The following CSMD1 variants were observed in gnomAD, a reference collection of about 807,000 sequenced individuals.
CSMD1 encodes CUB and sushi domain-containing protein 1.
Under a neutral mutation model 417.5 loss-of-function variants are expected in CSMD1, and 213 were observed. That is an observed-to-expected ratio of 0.51 (90% CI 0.46 to 0.57). CSMD1 has a LOEUF of 0.57. CSMD1 is among the 20% of genes least tolerant of loss of function. CSMD1 has a pLI of 0.00. For synonymous variants in CSMD1, 2,862 were observed against 1,736.8 expected, an observed-to-expected ratio of 1.65 and a Z score of -16.11; for missense variants, 6,923 against 4,529.7, an observed-to-expected ratio of 1.53 and a Z score of -15.17.
chr8:3,396,165 C>G (rs963697220), intron 17 of CSMD1, 29 bp downstream of exon 17: 3 of 1,541,666 alleles, frequency 1.9e-6, no homozygotes, highest in African/African-American at 2.7e-5. Context: ...TGCTGCCCTG[C>G]CGGGCTGTCA....
At chr8:4,569,964 C>T (rs993916131) in intron 2 of CSMD1, among the ~76,000 whole-genome samples, 2 of 152,160 alleles carry the variant, frequency 1.3e-5, no homozygotes, top group Non-Finnish European at 2.9e-5. Flanking sequence ...TATAGGAATG[C>T]TTGTGATTTT....
At chr8:4,045,730 C>G (rs540380237) in intron 3 of CSMD1, among the ~76,000 whole-genome samples, 1 of 152,152 alleles carries the variant, frequency 6.6e-6, no homozygotes, top group East Asian at 1.9e-4. Flanking sequence ...TAAAATAAAA[C>G]GTGTGAACAC....
chr8:3,229,823 C>T (rs1204904916), intron 27 of CSMD1, among the ~76,000 whole-genome samples: 1 of 152,136 alleles, frequency 6.6e-6, no homozygotes, highest in East Asian at 1.9e-4. Flanking sequence ...CGGTAAATGT[C>T]AATTACTGTA....
intron 1 of CSMD1, among the ~76,000 whole-genome samples, chr8:4,951,735 T>C (rs1039884641): frequency 2.0e-5 from 3 of 151,782 alleles, no homozygotes; most frequent in South Asian, 4.1e-4. Context: ...TTAATAATGT[T>C]ACTCACAATC....
chr8:3,083,634 ATATATATATATATATTTTTTTTTT>A (rs1814286031), intron 49 of CSMD1, among the ~76,000 whole-genome samples: 3 of 23,360 alleles, frequency 1.3e-4, no homozygotes, highest in South Asian at 2.9e-3. Context: ...ATATATATAT[ATATATATATATATATTTTTTTTTT>A]TTTTTTTTTT....
intron 46 of CSMD1, among the ~76,000 whole-genome samples, chr8:3,101,067 T>C (rs1815700538): frequency 2.0e-5 from 3 of 151,876 alleles, no homozygotes; most frequent in Admixed American, 2.0e-4. Context: ...TTTTTTTTTT[T>C]TTTTCTAAAG....
At chr8:3,600,091 G>C (rs1801289493) in intron 8 of CSMD1, among the ~76,000 whole-genome samples, 1 of 152,162 alleles carries the variant, frequency 6.6e-6, no homozygotes, top group South Asian at 2.1e-4. Context: ...CTTAAGAAAA[G>C]TCTAGCAGGT....
intron 5 of CSMD1, among the ~76,000 whole-genome samples, chr8:3,807,768 C>T (rs1394257048): frequency 1.3e-5 from 2 of 152,126 alleles, no homozygotes; most frequent in African/African-American, 2.4e-5. Flanking sequence ...TTTTAGTTCT[C>T]TCTCTGAGAT....
intron 5 of CSMD1, among the ~76,000 whole-genome samples, chr8:3,800,591 C>G (rs927984453): frequency 9.2e-5 from 14 of 152,222 alleles, no homozygotes; most frequent in African/African-American, 3.4e-4. Flanking sequence ...AATGTTGAAA[C>G]TTGATCTCCA....
At chr8:3,191,383 G>C (rs1393376830) in intron 33 of CSMD1, among the ~76,000 whole-genome samples, 1 of 152,154 alleles carries the variant, frequency 6.6e-6, no homozygotes, top group Non-Finnish European at 1.5e-5. Flanking sequence ...TTCACCCTGG[G>C]AGGCATAAGT....
chr8:4,290,559 A>G (rs79070190), intron 3 of CSMD1, among the ~76,000 whole-genome samples: 3,393 of 152,300 alleles, frequency 0.022, 144 homozygotes, highest in African/African-American at 0.077. Context: ...AAGAAGGGCC[A>G]TTCATAGCTT....
intron 3 of CSMD1, among the ~76,000 whole-genome samples, chr8:4,257,976 T>G (rs1803581849): frequency 6.6e-6 from 1 of 152,144 alleles, no homozygotes; most frequent in Admixed American, 6.5e-5. Flanking sequence ...CAAGCTGCCA[T>G]AAAAGAATAT....
At chr8:4,927,484 T>G (rs1450520216) in intron 1 of CSMD1, among the ~76,000 whole-genome samples, 1 of 152,198 alleles carries the variant, frequency 6.6e-6, no homozygotes, top group African/African-American at 2.4e-5. Flanking sequence ...AAGTCTTTGC[T>G]TTGTAGCTTA....
intron 2 of CSMD1, among the ~76,000 whole-genome samples, chr8:4,590,122 C>A (rs1359027653): frequency 2.0e-5 from 3 of 151,638 alleles, no homozygotes; most frequent in South Asian, 2.1e-4. Context: ...GAATAACATG[C>A]AATTTTATTT....
chr8:3,784,835 C>G (rs1361933747), intron 5 of CSMD1, among the ~76,000 whole-genome samples: 1 of 152,170 alleles, frequency 6.6e-6, no homozygotes, highest in African/African-American at 2.4e-5. Context: ...CGCTGATTTT[C>G]AACTCATCCA....
intron 3 of CSMD1, among the ~76,000 whole-genome samples, chr8:4,410,445 T>A (rs114084130): frequency 0.016 from 2,390 of 152,278 alleles, 20 homozygotes; most frequent in Middle Eastern, 0.051. Context: ...AGCGTCCAGA[T>A]AGTATATAGC....
At chr8:3,494,190 G>T (rs1392783724) in intron 10 of CSMD1, among the ~76,000 whole-genome samples, 2 of 152,066 alleles carry the variant, frequency 1.3e-5, no homozygotes, top group African/African-American at 4.8e-5. Context: ...ACTTTATGAG[G>T]ATACAAAGCT....
chr8:4,747,038 G>C (rs959449995), intron 1 of CSMD1, among the ~76,000 whole-genome samples: 1 of 152,098 alleles, frequency 6.6e-6, no homozygotes, highest in Non-Finnish European at 1.5e-5. Flanking sequence ...GAGTAGGGAG[G>C]GCCTCCCCAC....
At chr8:3,992,120 A>ATG (rs1814796771) in intron 5 of CSMD1, among the ~76,000 whole-genome samples, 1 of 142,696 alleles carries the variant, frequency 7.0e-6, no homozygotes, top group Non-Finnish European at 1.6e-5. Context: ...AAATGTGTAT[A>ATG]TATATGTGTG....
Sources: gnomAD v4.1 joint callset for allele counts (sites outside exome capture counted in the v4.1 genomes callset) on GRCh38, gnomAD v4.1.1 for gene constraint, MANE v1.5 for transcripts, NCBI Gene and HGNC (gene_info 2026-07-23, HGNC 2026-07-21) for gene names.